OTOG: variants seen among roughly 807,000 people sequenced by gnomAD.
OTOG encodes the protein otogelin.
In OTOG, 296 loss-of-function variants were observed where a neutral mutation model predicts 313.8. The observed-to-expected ratio is 0.94, with a 90% CI of 0.86 to 1.04. The LOEUF is 1.04. Among genes scored for constraint, OTOG ranks in the 50% least tolerant of loss-of-function variants. The probability of loss-of-function intolerance (pLI) is 0.00; values close to 1 mark genes in which losing one functional copy is unlikely to be tolerated. For synonymous variants in OTOG, 1,533 were observed against 1,554.9 expected (o/e 0.99, Z 0.33); for missense variants, 3,948 against 3,840.1 (o/e 1.03, Z -0.74).
rs553375110 is a variant in OTOG, at chr11:17,571,067, A to G, written c.1955+677A>G. On this transcript the variant is annotated intron_variant, in intron 17 of 55. Coordinates refer to ENST00000399397, the MANE Select transcript of OTOG (RefSeq NM_001292063.2). ...TCCTGGCCAGTCCTTGGAGTTCCAC[A>G]CATTAGGGGATGCAGAAGGAAACAG... Among the ~76,000 whole-genome samples the G allele has an allele frequency of 6.6e-4, 100 of 152,340 alleles. 2 individuals are homozygous for G. The highest frequency in any genetic ancestry group is 2.2e-3 in the African/African-American group (91 of 41,568).
chr11:17,587,971 A>C (rs1321256088), intron 24 of OTOG, among the ~76,000 whole-genome samples: 1 of 152,114 alleles, frequency 6.6e-6, no homozygotes, highest in African/African-American at 2.4e-5. Flanking sequence ...CAGGCAGGGG[A>C]TAGCTGAGTT....
rs1364264587 is a variant in OTOG, at chr11:17,642,109, T to A, written c.8296-18T>A. 1 of 1,534,038 alleles carries A rather than the reference T, an allele frequency of 6.5e-7. No homozygotes were observed. The highest frequency in any genetic ancestry group is 2.0e-5 in the Admixed American group (1 of 50,264). On this transcript the variant is annotated intron_variant, in intron 52 of 55. Transcript: ENST00000399397. ...CCATCTGGCCACAGCTCCCATTACC[T>A]ACTTCTGTGCCCTCCAGCCCGGGGC...
Position 17,597,014 on chromosome 11 carries a change from G to T in OTOG, c.3682+7G>T, listed in dbSNP as rs1853127282. ...CGAACCCCCCGCCTCTGCCGTGAGT[G>T]TCCCAGACAATCACCTGAGGGGACA... is the stretch of plus-strand genomic sequence containing the variant. On this transcript the variant is annotated splice_region_variant and intron_variant, in intron 30 of 55. Coordinates refer to ENST00000399397, the MANE Select transcript of OTOG (RefSeq NM_001292063.2). 1.1e-5 allele frequency: 17 copies of T among 1,549,604 alleles called. No homozygotes were observed. The highest frequency in any genetic ancestry group is 1.3e-5 in the Non-Finnish European group (15 of 1,146,904).
chr11:17,581,039 A>C (rs1346239616), intron 23 of OTOG, among the ~76,000 whole-genome samples: 2 of 152,226 alleles, frequency 1.3e-5, no homozygotes, highest in Non-Finnish European at 1.5e-5. Context: ...GGATGTGTAG[A>C]AACTGGCCTT....
chr11:17,556,299 C>G (rs556613791), intron 7 of OTOG, among the ~76,000 whole-genome samples: 2 of 152,256 alleles, frequency 1.3e-5, no homozygotes, highest in South Asian at 4.1e-4. Flanking sequence ...TTGTGAATGT[C>G]AGTTATCTTG....
At chr11:17,591,280 T>C (rs1417936049) in intron 24 of OTOG, among the ~76,000 whole-genome samples, 170 bp from the exon 25 acceptor site, 1 of 152,244 alleles carries the variant, frequency 6.6e-6, no homozygotes, top group Non-Finnish European at 1.5e-5. Flanking sequence ...CTGTGTCTCC[T>C]GCATGAAATC....
intron 14 of OTOG, 115 bp downstream of exon 14, chr11:17,561,252 T>G (rs1429802066): frequency 8.2e-7 from 1 of 1,214,024 alleles, no homozygotes; most frequent in Non-Finnish European, 1.2e-6. Flanking sequence ...TCAGTTCCAT[T>G]GGCTACGCCC....
intron 51 of OTOG, 101 bp downstream of exon 51, chr11:17,641,192 C>A: frequency 7.7e-7 from 1 of 1,299,140 alleles, no homozygotes; most frequent in Non-Finnish European, 1.0e-6. Flanking sequence ...CTGCCCTAAA[C>A]CCCCAGGACA....
rs1229219461 is a variant in OTOG at position 17,610,093 on chromosome 11, G to A, written c.4793G>A (p.Ser1598Asn). 3.9e-6 allele frequency: 6 copies of A among 1,550,586 alleles called. No homozygotes were observed. In the East Asian group the frequency reaches 9.8e-5, roughly 25 times the overall value. The change falls in exon 36 of 56, where the codon AGC becomes AAC. Residue 1598 changes from serine to asparagine, a missense_variant. Coordinates refer to ENST00000399397, the MANE Select transcript of OTOG (RefSeq NM_001292063.2). ...TTRVTVIFAG[S>N]PNITVSSRSP... ...AGGGTGACTGTGATCTTTGCAGGAAGCCCTAACATCACAGTCTCCTCCCGG... is the reference window on the plus strand; with the variant it reads ...AGGGTGACTGTGATCTTTGCAGGAAACCCTAACATCACAGTCTCCTCCCGG...
In OTOG at chr11:17,607,661, G is replaced by A. The variant is rs117911624; in HGVS notation, c.4157-635G>A. On this transcript the variant is annotated intron_variant, in intron 33 of 55. Transcript: ENST00000399397. The stretch of plus-strand genomic sequence containing the variant: ...AGGGCAGTGAGGGTGGTGCTCACAC[G>A]ACCTGCACTCTCAGGCCCTTCAGGG... 4.3e-3 allele frequency among the ~76,000 whole-genome samples: 662 copies of A among 152,354 alleles called. 3 individuals carry two copies. Among genetic ancestry groups the A allele is most frequent in the Middle Eastern group, 0.014 (4 of 294 alleles).
chr11:17,631,860 A>T lies in OTOG; in HGVS notation c.6871A>T (p.Thr2291Ser). 6.4e-7 allele frequency: 1 copy of T among 1,550,554 alleles called. No homozygotes were observed. Among genetic ancestry groups the T allele is most frequent in the Non-Finnish European group, 8.7e-7 (1 of 1,146,998 alleles). The stretch of plus-strand genomic sequence containing the variant: ...CTTCCGCCCAGACAGCTGCGCCACA[A>T]CTGACTGCTCGCCCTGCCTTCGCAT... ...TRFRPDSCAT[T>S]DCSPCLRMVS... Residue 2291 changes from threonine to serine, a missense_variant, in exon 41 of 56, where the codon ACT becomes TCT. Transcript: ENST00000399397.
intron 27 of OTOG, 44 bp downstream of exon 27, chr11:17,593,800 G>A (rs1162848843): frequency 6.5e-7 from 1 of 1,539,274 alleles, no homozygotes; most frequent in Admixed American, 2.0e-5. Context: ...CTGGGGCTAA[G>A]CCAAGCCCTG....
At chr11:17,630,259 ACACCATCACCAT>A (rs1479477326) in intron 40 of OTOG, among the ~76,000 whole-genome samples, 1 of 152,014 alleles carries the variant, frequency 6.6e-6, no homozygotes, top group Non-Finnish European at 1.5e-5. Context: ...ACCACCACCA[ACACCATCACCAT>A]CACCATCACT....
chr11:17,564,672 A>G (rs576685753), intron 15 of OTOG, among the ~76,000 whole-genome samples: 1 of 152,296 alleles, frequency 6.6e-6, no homozygotes, highest in African/African-American at 2.4e-5. Context: ...AGAGGATGAT[A>G]ATGACAATGA....
In OTOG at chr11:17,573,314, C is replaced by T. The variant is rs1381818081; in HGVS notation, c.2293+24C>T. On this transcript the variant is annotated intron_variant, in intron 19 of 55. Coordinates refer to ENST00000399397, the MANE Select transcript of OTOG (RefSeq NM_001292063.2). ...TGGTGAGTGCCCCACCCATGTGAGG[C>T]TGAGCTGGAGGAGCCAGAGCTCCAG... is the stretch of plus-strand genomic sequence containing the variant. 29 of 1,501,060 alleles carry T rather than the reference C, an allele frequency of 1.9e-5. 1 individual carries two copies. The highest frequency in any genetic ancestry group is 8.8e-5 in the South Asian group (7 of 79,626). 93.0% of individuals were successfully genotyped at this position (1,501,060 alleles called of 1,614,324 possible).
intron 23 of OTOG, 88 bp from the exon 24 acceptor site, chr11:17,586,386 C>T (rs775886224): frequency 2.6e-5 from 19 of 733,520 alleles, no homozygotes; most frequent in Non-Finnish European, 3.5e-5. Context: ...GAGCCACCTC[C>T]GAGCATCCAG....
intron 15 of OTOG, among the ~76,000 whole-genome samples, chr11:17,563,854 GTTTTTTT>G (rs61373849): frequency 4.7e-5 from 5 of 106,618 alleles, no homozygotes; most frequent in Admixed American, 2.0e-4. Context: ...CTAGTTTTTG[GTTTTTTT>G]TTTTTTTTTT....
intron 21 of OTOG, 56 bp from the exon 22 acceptor site, chr11:17,576,812 G>A: frequency 6.5e-7 from 1 of 1,541,960 alleles, no homozygotes; most frequent in Non-Finnish European, 8.8e-7. Flanking sequence ...AACATGGGGT[G>A]TCTGGGTCCT....
intron 33 of OTOG, among the ~76,000 whole-genome samples, chr11:17,607,267 C>T (rs935719241): frequency 1.4e-4 from 21 of 152,240 alleles, no homozygotes; most frequent in Non-Finnish European, 2.4e-4. Flanking sequence ...TCTGGAGGAG[C>T]TGCCGGTGGG....
Sources: allele counts gnomAD v4.1 joint callset (sites outside exome capture counted in the v4.1 genomes callset), GRCh38; gene constraint gnomAD v4.1.1; transcripts MANE v1.5; gene names NCBI Gene and HGNC (gene_info 2026-07-23, HGNC 2026-07-21).